Variants in VPS35L observed in about 807,000 individuals in gnomAD.
VPS35L encodes the protein VPS35 endosomal protein sorting factor like.
VPS35L carries 83 observed loss-of-function variants against 133.0 expected under a neutral mutation model. That is an observed-to-expected ratio of 0.62 (90% CI 0.52 to 0.75). The LOEUF (loss-of-function observed/expected upper bound fraction) is 0.75. VPS35L is among the 30% of genes least tolerant of loss of function. The probability of loss-of-function intolerance (pLI) is 0.00; values close to 1 mark genes in which losing one functional copy is unlikely to be tolerated. For missense variants in VPS35L, 1,083 were observed against 1,206.8 expected, an observed-to-expected ratio of 0.90 and a Z score of 1.52; for synonymous variants, 423 against 449.9, an observed-to-expected ratio of 0.94 and a Z score of 0.76.
chr16:19,600,664 TGGAGCTTGCATTCTA>T (rs1972354575), intron 8 of VPS35L, among the ~76,000 whole-genome samples: 1 of 152,202 alleles, frequency 6.6e-6, no homozygotes, highest in Non-Finnish European at 1.5e-5. Flanking sequence ...TCTGCCTTTG[TGGAGCTTGCATTCTA>T]GTTGAATCTC....
chr16:19,594,729 C>T (rs1972154939), intron 8 of VPS35L, among the ~76,000 whole-genome samples: 1 of 126,932 alleles, frequency 7.9e-6, no homozygotes, highest in African/African-American at 2.9e-5. Context: ...AGAGAATTTA[C>T]AAAACAATTA....
At chr16:19,621,116 G>T (rs938384082) in intron 14 of VPS35L, among the ~76,000 whole-genome samples, 1 of 152,082 alleles carries the variant, frequency 6.6e-6, no homozygotes, top group Non-Finnish European at 1.5e-5. Context: ...ACATGGAGAA[G>T]AGAGGGCCAT....
At chr16:19,683,471 C>T (rs1975357190) in intron 28 of VPS35L, among the ~76,000 whole-genome samples, 1 of 152,110 alleles carries the variant, frequency 6.6e-6, no homozygotes, top group African/African-American at 2.4e-5. Flanking sequence ...CTCTAGTGGT[C>T]TCCAATGTCT....
At chr16:19,637,482 G>A (rs1289557235) in intron 19 of VPS35L, 112 bp from the exon 20 acceptor site, 6 of 671,938 alleles carry the variant, frequency 8.9e-6, no homozygotes, top group African/African-American at 5.5e-5. Context: ...ATTATGAAAG[G>A]TGATTGCCTT....
chr16:19,691,234 GC>G, intron 28 of VPS35L, 118 bp from the exon 29 acceptor site: 1 of 780,280 alleles, frequency 1.3e-6, no homozygotes, highest in Non-Finnish European at 2.2e-6. Flanking sequence ...ACTTCCATGT[GC>G]CCTGCCACGA....
At chr16:19,564,820 C>CA in intron 1 of VPS35L, 31 bp from the exon 2 acceptor site, 1 of 1,492,200 alleles carries the variant, frequency 6.7e-7, no homozygotes, top group Non-Finnish European at 9.3e-7. Context: ...TACCCCCATC[C>CA]ACTAATTGGC....
chr16:19,662,621 G>A (rs947417248), intron 26 of VPS35L, among the ~76,000 whole-genome samples: 7 of 152,168 alleles, frequency 4.6e-5, no homozygotes, highest in Non-Finnish European at 7.4e-5. Context: ...ATCAAAGGTC[G>A]GTCTTAGGAC....
At chr16:19,676,126 C>T (rs938600469) in intron 27 of VPS35L, among the ~76,000 whole-genome samples, 1 of 152,084 alleles carries the variant, frequency 6.6e-6, no homozygotes, top group Non-Finnish European at 1.5e-5. Flanking sequence ...GTGGCATGCG[C>T]CCATAACCCC....
intron 7 of VPS35L, among the ~76,000 whole-genome samples, chr16:19,588,158 A>T (rs374691601): frequency 6.8e-6 from 1 of 147,462 alleles, no homozygotes; most frequent in Non-Finnish European, 1.5e-5. Context: ...GGGTAATATA[A>T]GTATGTATGT....
chr16:19,608,411 A>C, intron 10 of VPS35L, 137 bp downstream of exon 10: 1 of 675,972 alleles, frequency 1.5e-6, no homozygotes. Context: ...TAGCCTGAAA[A>C]CACATACAGG....
intron 14 of VPS35L, among the ~76,000 whole-genome samples, chr16:19,618,893 A>G (rs1472388926): frequency 6.6e-6 from 1 of 151,002 alleles, no homozygotes; most frequent in African/African-American, 2.4e-5. Flanking sequence ...ATTTGGGGCC[A>G]GCGTAACTTA....
At chr16:19,646,699 C>T (rs1167244856) in intron 23 of VPS35L, among the ~76,000 whole-genome samples, 1 of 152,066 alleles carries the variant, frequency 6.6e-6, no homozygotes, top group African/African-American at 2.4e-5. Context: ...CAGTAAACCC[C>T]TGCCATATTC....
chr16:19,689,422 C>G (rs1043244662), intron 28 of VPS35L, among the ~76,000 whole-genome samples: 3 of 151,866 alleles, frequency 2.0e-5, no homozygotes, highest in African/African-American at 7.3e-5. Context: ...AAGCGTGCAC[C>G]ACCATGCCCA....
intron 21 of VPS35L, among the ~76,000 whole-genome samples, chr16:19,641,910 G>T (rs1886918651): frequency 6.6e-6 from 1 of 152,082 alleles, no homozygotes; most frequent in Non-Finnish European, 1.5e-5. Flanking sequence ...GAGCAAACTT[G>T]TTATTTAAAG....
chr16:19,640,958 G>A (rs759571374), intron 21 of VPS35L, among the ~76,000 whole-genome samples: 1 of 152,188 alleles, frequency 6.6e-6, no homozygotes, highest in Non-Finnish European at 1.5e-5. Context: ...ATGTTGCCCA[G>A]GCTGGTCTTC....
chr16:19,595,095 A>C (rs1356108842), intron 8 of VPS35L, among the ~76,000 whole-genome samples: 1 of 152,192 alleles, frequency 6.6e-6, no homozygotes, highest in African/African-American at 2.4e-5. Flanking sequence ...AGAAACTGAC[A>C]TGGTCAGAGA....
chr16:19,678,700 A>C (rs1975149541), intron 27 of VPS35L, among the ~76,000 whole-genome samples: 1 of 151,026 alleles, frequency 6.6e-6, no homozygotes. Context: ...CTGGTTTCAA[A>C]CTCCTGACCT....
chr16:19,682,082 G>A, intron 27 of VPS35L, 143 bp from the exon 28 acceptor site: 1 of 865,634 alleles, frequency 1.2e-6, no homozygotes, highest in Non-Finnish European at 1.8e-6. Flanking sequence ...AGGCTTGTGA[G>A]TGGGTCTTGC....
chr16:19,693,168 G>C (rs901717081), intron 29 of VPS35L, among the ~76,000 whole-genome samples: 1 of 152,116 alleles, frequency 6.6e-6, no homozygotes, highest in Non-Finnish European at 1.5e-5. Flanking sequence ...GAGTGGCATT[G>C]GAACCCCAGT....
Sources: allele counts gnomAD v4.1 joint callset (sites outside exome capture counted in the v4.1 genomes callset), GRCh38; gene constraint gnomAD v4.1.1; transcripts MANE v1.5; gene names NCBI Gene and HGNC (gene_info 2026-07-23, HGNC 2026-07-21).